Variants in STARD3 observed in about 807,000 individuals in gnomAD.
STARD3 encodes stAR-related lipid transfer protein 3.
Under a neutral mutation model 62.0 loss-of-function variants are expected in STARD3, and 39 were observed. The observed-to-expected ratio is 0.63, with a 90% CI of 0.49 to 0.82. The LOEUF (loss-of-function observed/expected upper bound fraction) is 0.82, where lower values mean the gene tolerates loss of function less well. Among genes scored for constraint, STARD3 ranks in the 40% least tolerant of loss-of-function variants. The pLI is 0.00. For synonymous variants in STARD3, 229 were observed against 242.4 expected (o/e 0.94, Z 0.51); for missense variants, 543 against 584.5 (o/e 0.93, Z 0.73).
chr17:39,659,909 G>C (rs1567861197), intron 9 of STARD3: 2 of 536,670 alleles, frequency 3.7e-6, no homozygotes, highest in East Asian at 6.5e-5. Context: ...AGAGCAACAT[G>C]CCCCAGTCCC....
chr17:39,639,885 C>G (rs550111839), intron 1 of STARD3, among the ~76,000 whole-genome samples: 18 of 152,352 alleles, frequency 1.2e-4, no homozygotes, highest in Admixed American at 1.1e-3. Context: ...CAGATGGCCC[C>G]TCCTCCCTGT....
Position 39,657,728 on chromosome 17 carries a change from G to T in STARD3, c.298-47G>T, listed in dbSNP as rs377359957. ...AGGGGAGGTCAGCCTGCAGCAGGGT[G>T]GGGGGCAGTAGCTTCCTGTGACTGC... On this transcript the variant is annotated intron_variant, in intron 3 of 14. Coordinates refer to ENST00000336308, the MANE Select transcript of STARD3 (RefSeq NM_006804.4). 140 of 1,607,716 alleles carry T rather than the reference G, an allele frequency of 8.7e-5. No individual in the cohort carries two copies. In the African/African-American group the frequency reaches 1.7e-3, roughly 20 times the overall value.
chr17:39,639,762 A>G (rs995563470), intron 1 of STARD3, among the ~76,000 whole-genome samples: 5 of 152,202 alleles, frequency 3.3e-5, no homozygotes, highest in African/African-American at 1.2e-4. Context: ...CCCCCTGGGT[A>G]GGGCCATTGT....
chr17:39,648,149 G>A (rs1597791039), intron 1 of STARD3, among the ~76,000 whole-genome samples: 1 of 152,296 alleles, frequency 6.6e-6, no homozygotes, highest in African/African-American at 2.4e-5. Flanking sequence ...GCCAGGCGTG[G>A]TGGTGGGCGC....
At chr17:39,642,726 T>C (rs942965489) in intron 1 of STARD3, among the ~76,000 whole-genome samples, 1 of 151,758 alleles carries the variant, frequency 6.6e-6, no homozygotes, top group Admixed American at 6.6e-5. Context: ...GGGTAAGGGA[T>C]GGAGGGTGGG....
intron 6 of STARD3, 90 bp downstream of exon 6, chr17:39,658,612 C>G: frequency 1.3e-6 from 2 of 1,566,706 alleles, no homozygotes; most frequent in Non-Finnish European, 1.8e-6. Flanking sequence ...TCTGAAGCAT[C>G]TCGCCACCTC....
intron 9 of STARD3, 180 bp downstream of exon 9, chr17:39,659,733 C>T (rs2145033847): frequency 2.0e-6 from 1 of 502,468 alleles, no homozygotes; most frequent in Non-Finnish European, 3.4e-6. Context: ...TTCCCCCGTG[C>T]CCCTTGGCCC....
intron 9 of STARD3, 74 bp downstream of exon 9, chr17:39,659,627 A>AG (rs1157740994): frequency 3.4e-6 from 5 of 1,489,550 alleles, no homozygotes; most frequent in Non-Finnish European, 2.8e-6. Flanking sequence ...GGCCTGAGGA[A>AG]GAAACCCAAA....
intron 9 of STARD3, chr17:39,659,759 C>A (rs1286361104): frequency 1.7e-6 from 1 of 571,522 alleles, no homozygotes; most frequent in Non-Finnish European, 3.1e-6. Flanking sequence ...CCCCGCACCC[C>A]CCATGTTTAC....
At chr17:39,659,578 C>T (rs2057172317) in intron 9 of STARD3, 25 bp downstream of exon 9, 1 of 1,607,358 alleles carries the variant, frequency 6.2e-7, no homozygotes, top group Non-Finnish European at 8.5e-7. Context: ...CCCACCTGAC[C>T]TTCCCATGCG....
chr17:39,641,247 G>A (rs2056980468), intron 1 of STARD3, among the ~76,000 whole-genome samples: 1 of 152,168 alleles, frequency 6.6e-6, no homozygotes, highest in Admixed American at 6.5e-5. Context: ...ACCGTGGCCA[G>A]GCACTGTGGC....
rs1597803151 is a variant in STARD3 at position 39,663,101 on chromosome 17, T to C, written c.*193T>C. The C allele has an allele frequency of 1.1e-5, 6 of 530,774 alleles. No homozygotes were observed. In the East Asian group the frequency reaches 1.7e-4, roughly 15 times the overall value. 32.9% of individuals were successfully genotyped at this position (530,774 alleles called of 1,614,324 possible). On this transcript the variant is annotated 3_prime_UTR_variant, in exon 15 of 15. Coordinates refer to ENST00000336308, the MANE Select transcript of STARD3 (RefSeq NM_006804.4). ...GGAGCACTGGACTCCGGGGCCCCAC[T>C]GGCTGGAGGAAGTGGGGTCTGGCCT...
rs776143456 is a variant in STARD3 at position 39,660,137 on chromosome 17, G to A, written c.796-74G>A. On this transcript the variant is annotated intron_variant, in intron 9 of 14. Coordinates refer to ENST00000336308, the MANE Select transcript of STARD3 (RefSeq NM_006804.4). The surrounding 1 kb of genome is among the most constrained non-coding windows in gnomAD (Gnocchi z 4.8). ...GAGCTGTTAAAAACCTGCCCTGCCT[G>A]TCACCCATTTCTGTGCCACCAGCCC... 1.3e-6 allele frequency: 2 copies of A among 1,515,280 alleles called. No homozygotes were observed. Among genetic ancestry groups the A allele is most frequent in the South Asian group, 2.2e-5 (2 of 89,052 alleles). The allele number at this position is 1,515,280 out of a possible 1,614,324, so 93.9% of individuals were successfully genotyped here. A position where few individuals can be genotyped will look rare whatever the true frequency, so the allele number is the denominator to read the frequency against.
intron 13 of STARD3, 26 bp from the exon 14 acceptor site, chr17:39,662,225 C>A (rs770264633): frequency 1.2e-6 from 2 of 1,605,450 alleles, no homozygotes; most frequent in Admixed American, 3.4e-5. Context: ...GTTCCAAAGT[C>A]CCCCCAATGA....
chr17:39,658,094 C>A, intron 5 of STARD3, 68 bp downstream of exon 5: 1 of 1,500,694 alleles, frequency 6.7e-7, no homozygotes, highest in Non-Finnish European at 9.1e-7. Flanking sequence ...TAGAGAGGAG[C>A]ATTTCTCTAA....
rs770536388 is a variant in STARD3, at chr17:39,659,511, G to A, written c.753G>A (p.Gln251=). The change falls in exon 9 of 15, where the codon CAG becomes CAA. Residue 251 remains glutamine (Q), a synonymous_variant. Coordinates refer to ENST00000336308, the MANE Select transcript of STARD3 (RefSeq NM_006804.4). ...AGGAGGCCACGGCAGTGGTGGACCA[G>A]ATCTTGGCCCAGGAAGAGAACTGGA... ...QGKEATAVVD[Q]ILAQEENWKF... 1.5e-5 allele frequency: 24 copies of A among 1,614,068 alleles called. No individual in the cohort carries two copies. The highest frequency in any genetic ancestry group is 1.9e-5 in the Non-Finnish European group (22 of 1,180,036).
rs1029589714 is a variant in STARD3 at position 39,664,192 on chromosome 17, A to G, written c.*1284A>G. 4 of 152,340 alleles carry G rather than the reference A, an allele frequency of 2.6e-5. No homozygotes were observed. Among genetic ancestry groups the G allele is most frequent in the Non-Finnish European group, 5.9e-5 (4 of 68,038 alleles). 9.4% of individuals were successfully genotyped at this position (152,340 alleles called of 1,614,324 possible). On this transcript the variant is annotated 3_prime_UTR_variant, in exon 15 of 15. Coordinates refer to ENST00000336308, the MANE Select transcript of STARD3 (RefSeq NM_006804.4). ...GGTTGTTATGAGATTAAAAGATATG[A>G]AGAACCGGGGACAGTGCTCAGTAAT...
chr17:39,644,375 T>G (rs1434775596), intron 1 of STARD3, among the ~76,000 whole-genome samples: 1 of 152,094 alleles, frequency 6.6e-6, no homozygotes, highest in African/African-American at 2.4e-5. Context: ...TCTATGTGGT[T>G]AGACGTTAAC....
At chr17:39,648,709 C>T (rs930562205) in intron 1 of STARD3, among the ~76,000 whole-genome samples, 1 of 152,150 alleles carries the variant, frequency 6.6e-6, no homozygotes, top group Non-Finnish European at 1.5e-5. Context: ...GGCCAACTGT[C>T]CCCGCCCCTG....
Sources: allele counts gnomAD v4.1 joint callset (sites outside exome capture counted in the v4.1 genomes callset), GRCh38; gene constraint gnomAD v4.1.1; non-coding constraint Gnocchi (gnomAD v3.1); transcripts MANE v1.5; gene names NCBI Gene and HGNC (gene_info 2026-07-23, HGNC 2026-07-21).